The following MAP3K20 variants were observed in gnomAD, a reference collection of about 807,000 sequenced individuals.
MAP3K20 encodes the protein mitogen-activated protein kinase kinase kinase 20, also known as HCCS-4.
Under a neutral mutation model 85.7 loss-of-function variants are expected in MAP3K20, and 40 were observed. That is an observed-to-expected ratio of 0.47 (90% confidence interval 0.36 to 0.61). The LOEUF (loss-of-function observed/expected upper bound fraction) is 0.61. Among genes scored for constraint, MAP3K20 ranks in the 20% least tolerant of loss-of-function variants. The pLI is 0.00. For missense variants in MAP3K20, 817 were observed against 961.7 expected, an observed-to-expected ratio of 0.85 and a Z score of 1.99; for synonymous variants, 325 against 327.7, an observed-to-expected ratio of 0.99 and a Z score of 0.09.
intron 9 of MAP3K20, among the ~76,000 whole-genome samples, chr2:173,205,377 AT>A (rs1473789874): frequency 6.6e-6 from 1 of 152,100 alleles, no homozygotes; most frequent in East Asian, 1.9e-4. Context: ...CTTCTACAAT[AT>A]GTTTCTTTAA....
intron 14 of MAP3K20, among the ~76,000 whole-genome samples, chr2:173,235,847 G>A (rs1684635141): frequency 6.6e-6 from 1 of 152,222 alleles, no homozygotes; most frequent in Non-Finnish European, 1.5e-5. Context: ...TTGGCAGAAA[G>A]GATGTGTGTG....
chr2:173,094,978 A>G (rs771643275), intron 2 of MAP3K20, among the ~76,000 whole-genome samples: 1 of 152,270 alleles, frequency 6.6e-6, no homozygotes, highest in Non-Finnish European at 1.5e-5. Flanking sequence ...TGTTTGGATC[A>G]AATAGTACTA....
At chr2:173,106,401 A>G (rs1183442862) in intron 2 of MAP3K20, among the ~76,000 whole-genome samples, 1 of 152,238 alleles carries the variant, frequency 6.6e-6, no homozygotes, top group Non-Finnish European at 1.5e-5. Flanking sequence ...TGGTCAGTAG[A>G]TTTTTGACAA....
intron 9 of MAP3K20, 43 bp from the exon 10 acceptor site, chr2:173,209,681 CTCCTT>C: frequency 6.6e-7 from 1 of 1,507,124 alleles, no homozygotes; most frequent in Non-Finnish European, 9.0e-7. Context: ...TCTTAAATAT[CTCCTT>C]TCTTAAGTCC....
At chr2:173,193,219 G>A (rs1205759716) in intron 7 of MAP3K20, among the ~76,000 whole-genome samples, 1 of 152,092 alleles carries the variant, frequency 6.6e-6, no homozygotes, top group Admixed American at 6.6e-5. Flanking sequence ...ATGTATGTTG[G>A]TTATAGTTAT....
intron 1 of MAP3K20, among the ~76,000 whole-genome samples, chr2:173,085,293 T>C (rs1687115940): frequency 6.6e-6 from 1 of 152,180 alleles, no homozygotes; most frequent in South Asian, 2.1e-4. Context: ...TCAACATGGA[T>C]CTGAAAAATC....
chr2:173,135,718 A>G lies in MAP3K20; in HGVS notation c.160-34087A>G, dbSNP rs141761390. ...TATAAAATGGGGATAATTTCTGCCC[A>G]GTTATATTTCTCTGAATTGTAAATG... is the stretch of plus-strand genomic sequence containing the variant. On this transcript the variant is annotated intron_variant, in intron 2 of 19. Coordinates refer to ENST00000375213, the MANE Select transcript of MAP3K20 (RefSeq NM_016653.3). 2.0e-3 allele frequency among the ~76,000 whole-genome samples: 302 copies of G among 152,322 alleles called. 2 individuals carry two copies. The highest frequency in any genetic ancestry group is 6.9e-3 in the African/African-American group (286 of 41,574).
At chr2:173,172,077 G>A (rs1252941949) in intron 3 of MAP3K20, among the ~76,000 whole-genome samples, 1 of 152,178 alleles carries the variant, frequency 6.6e-6, no homozygotes, top group East Asian at 1.9e-4. Context: ...TAGAAAATAT[G>A]ACAACTGAGT....
intron 2 of MAP3K20, among the ~76,000 whole-genome samples, chr2:173,156,813 C>A (rs572978466): frequency 6.6e-6 from 1 of 152,100 alleles, no homozygotes; most frequent in Admixed American, 6.5e-5. Flanking sequence ...AAGTTCCTGG[C>A]GTAGACAAAG....
At chr2:173,138,506 T>C (rs1326118298) in intron 2 of MAP3K20, among the ~76,000 whole-genome samples, 2 of 152,346 alleles carry the variant, frequency 1.3e-5, no homozygotes, top group East Asian at 3.9e-4. Flanking sequence ...TGAAAAGTTC[T>C]GTTCTCTTAG....
intron 1 of MAP3K20, among the ~76,000 whole-genome samples, chr2:173,077,943 A>G (rs1249123848): frequency 6.6e-6 from 1 of 152,238 alleles, no homozygotes; most frequent in African/African-American, 2.4e-5. Flanking sequence ...GTTATTGGCA[A>G]TATATTGGCT....
chr2:173,093,810 A>G (rs1687374264), intron 2 of MAP3K20, among the ~76,000 whole-genome samples: 1 of 152,140 alleles, frequency 6.6e-6, no homozygotes, highest in Non-Finnish European at 1.5e-5. Context: ...CTATGCAGCC[A>G]TAAAAATGAT....
At chr2:173,250,410 G>A (rs1438588640) in intron 16 of MAP3K20, among the ~76,000 whole-genome samples, 1 of 152,176 alleles carries the variant, frequency 6.6e-6, no homozygotes, top group African/African-American at 2.4e-5. Context: ...GAAAATGAGA[G>A]CTAATTATTT....
At chr2:173,221,374 G>T (rs1353559243) in intron 11 of MAP3K20, 3 of 1,614,064 alleles carry the variant, frequency 1.9e-6, no homozygotes, top group South Asian at 1.1e-5. Context: ...AGATAAACAT[G>T]CAAGCCAAGC....
At chr2:173,201,027 G>C (rs1691041327) in intron 8 of MAP3K20, among the ~76,000 whole-genome samples, 2 of 152,160 alleles carry the variant, frequency 1.3e-5, no homozygotes, top group Non-Finnish European at 2.9e-5. Context: ...GTAGTATACT[G>C]TCAAGACCAG....
chr2:173,208,742 TTTC>T (rs1469544320), intron 9 of MAP3K20, among the ~76,000 whole-genome samples: 4 of 152,232 alleles, frequency 2.6e-5, no homozygotes, highest in African/African-American at 7.2e-5. Flanking sequence ...CTCAACATTG[TTTC>T]TTCTTGTTTT....
chr2:173,202,876 G>C (rs187271130), intron 8 of MAP3K20, among the ~76,000 whole-genome samples: 1 of 152,294 alleles, frequency 6.6e-6, no homozygotes, highest in African/African-American at 2.4e-5. Context: ...TTATTTGGTA[G>C]ATGCATTCTG....
Position 173,266,839 on chromosome 2 carries a change from T to C in MAP3K20, c.*89T>C. ...TTTTGATAATATGATCCCTTCAGAT[T>C]GAATTAACGAAAAGACAACACTTCC... On this transcript the variant is annotated 3_prime_UTR_variant, in exon 20 of 20. Transcript: ENST00000375213. The C allele has an allele frequency of 2.5e-6, 3 of 1,217,732 alleles. No individual in the cohort carries two copies. The highest frequency in any genetic ancestry group is 2.7e-5 in the East Asian group (1 of 37,456). 75.4% of individuals were successfully genotyped at this position (1,217,732 alleles called of 1,614,324 possible).
chr2:173,245,309 C>T (rs570879932), intron 16 of MAP3K20, among the ~76,000 whole-genome samples: 1 of 152,226 alleles, frequency 6.6e-6, no homozygotes, highest in African/African-American at 2.4e-5. Context: ...TGGCACAAAG[C>T]GAGGTTGATC....
Sources: allele counts gnomAD v4.1 joint callset (sites outside exome capture counted in the v4.1 genomes callset), GRCh38; gene constraint gnomAD v4.1.1; transcripts MANE v1.5; gene names NCBI Gene and HGNC (gene_info 2026-07-23, HGNC 2026-07-21).